The following NLRP14 variants were observed in gnomAD, a reference collection of about 807,000 sequenced individuals.
NLRP14 encodes the protein NLR family pyrin domain containing 14.
NLRP14 carries 105 observed loss-of-function variants against 94.7 expected under a neutral mutation model. The ratio of observed to expected loss-of-function variants is 1.11; its 90% CI spans 0.95 to 1.30. The LOEUF (loss-of-function observed/expected upper bound fraction) is 1.30, where lower values mean the gene tolerates loss of function less well. Ranked by LOEUF, NLRP14 falls within the 50% of genes most tolerant of loss-of-function variation. NLRP14 has a pLI of 0.00. For synonymous variants in NLRP14, 508 were observed against 459.9 expected (o/e 1.10, Z -1.34); for missense variants, 1,362 against 1,254.1 (o/e 1.09, Z -1.30).
rs1479040929 is a variant in NLRP14 at position 7,039,705 on chromosome 11, C to A, written c.290-9C>A. On this transcript the variant is annotated splice_polypyrimidine_tract_variant and intron_variant, in intron 2 of 11. Transcript: ENST00000299481. ...TTAAATATCATGATCCTATCGGAAC[C>A]TGTTGCAGGGTCGGCCCAGACTATA... The A allele has an allele frequency of 6.2e-7, 1 of 1,610,322 alleles. No individual in the cohort carries two copies. Among genetic ancestry groups the A allele is most frequent in the Admixed American group, 1.7e-5 (1 of 60,014 alleles).
chr11:7,039,854 T>A, intron 3 of NLRP14, 69 bp downstream of exon 3: 1 of 1,181,474 alleles, frequency 8.5e-7, no homozygotes, highest in Non-Finnish European at 1.3e-6. Context: ...GTGATTTATC[T>A]CCCGAGGACT....
chr11:7,052,569 G>T (rs1163137682), intron 6 of NLRP14, among the ~76,000 whole-genome samples: 3 of 152,162 alleles, frequency 2.0e-5, no homozygotes, highest in Non-Finnish European at 4.4e-5. Flanking sequence ...GGGAGGCGGA[G>T]GTTGCAGTGA....
At chr11:7,090,804 GCAA>G in the NLRP14 span, 15,729 of 172,200 alleles carry the variant, frequency 0.091, 786 homozygotes, top group Admixed American at 0.16. Flanking sequence ...CAAACAACCA[GCAA>G]CAACAACAAC....
chr11:7,089,504 T>G, the NLRP14 span: 1 of 1,230,108 alleles, frequency 8.1e-7, no homozygotes, highest in Middle Eastern at 2.7e-4. Flanking sequence ...GCGGGCCCGA[T>G]GATGACGGCG....
intron 9 of NLRP14, among the ~76,000 whole-genome samples, chr11:7,060,536 T>G (rs374584272): frequency 6.6e-5 from 10 of 152,194 alleles, no homozygotes; most frequent in African/African-American, 2.4e-4. Flanking sequence ...TGTGTCCTAG[T>G]GAATCTACTG....
At chr11:7,087,647 A>T in the NLRP14 span, among the ~76,000 whole-genome samples, 1 of 152,232 alleles carries the variant, frequency 6.6e-6, no homozygotes, top group Non-Finnish European at 1.5e-5. Flanking sequence ...TTAAGTTAGC[A>T]TTCAATAAAA....
chr11:7,045,956 G>GT (rs1852342181), intron 4 of NLRP14, among the ~76,000 whole-genome samples: 1 of 152,144 alleles, frequency 6.6e-6, no homozygotes, highest in African/African-American at 2.4e-5. Context: ...AGTTCAGTGA[G>GT]TGGCAGTGTT....
chr11:7,060,104 A>G (rs777971598), intron 9 of NLRP14, 40 bp downstream of exon 9: 2 of 1,541,132 alleles, frequency 1.3e-6, no homozygotes, highest in Admixed American at 1.7e-5. Context: ...AGTTTCAACA[A>G]CAGAGTGTCT....
At chr11:7,077,840 G>T in the NLRP14 span, among the ~76,000 whole-genome samples, 1 of 152,180 alleles carries the variant, frequency 6.6e-6, no homozygotes, top group Non-Finnish European at 1.5e-5. Context: ...CAACATGTGA[G>T]AATTCAAGAT....
At chr11:7,090,056 G>T in the NLRP14 span, 2 of 1,612,920 alleles carry the variant, frequency 1.2e-6, no homozygotes, top group Non-Finnish European at 1.7e-6. Context: ...AGGAGTACCG[G>T]GGCTACTCAC....
chr11:7,046,784 T>A lies in NLRP14; in HGVS notation c.2075T>A (p.Ile692Asn), dbSNP rs971275743. Reference sequence around the variant, plus strand: ...AACCTTGATAAATCAGCAATGAATATCCTGCATCATGAACTAAGGCACCCA... The same window carrying A: ...AACCTTGATAAATCAGCAATGAATAACCTGCATCATGAACTAAGGCACCCA... The part of the protein sequence containing the change: ...HSNLDKSAMN[I>N]LHHELRHPNC... The change falls in exon 5 of 12, where the codon ATC becomes AAC. Residue 692 changes from isoleucine (I) to asparagine (N), a missense_variant. Transcript: ENST00000299481. 4 of 1,613,758 alleles carry A rather than the reference T, an allele frequency of 2.5e-6. No individual in the cohort carries two copies. The highest frequency in any genetic ancestry group is 2.2e-5 in the East Asian group (1 of 44,878).
At chr11:7,032,374 T>C (rs187790144) in intron 1 of NLRP14, among the ~76,000 whole-genome samples, 26 of 152,336 alleles carry the variant, frequency 1.7e-4, no homozygotes, top group African/African-American at 6.3e-4. Flanking sequence ...AATTGAATCC[T>C]TATTGACAAT....
intron 6 of NLRP14, among the ~76,000 whole-genome samples, chr11:7,054,410 T>C (rs1602570): frequency 0.52 from 79,398 of 152,042 alleles, 21,784 homozygotes; most frequent in East Asian, 0.74. Flanking sequence ...GTTGTGTTAA[T>C]TTACACTGCT....
At chr11:7,072,209 G>C (rs1184845198), downstream of NLRP14, among the ~76,000 whole-genome samples, 2 of 152,180 alleles carry the variant, frequency 1.3e-5, no homozygotes, top group Non-Finnish European at 2.9e-5. Context: ...GTATTACTTG[G>C]GGTCCCTTGG....
At chr11:7,073,831 G>C (rs116430811), downstream of NLRP14, among the ~76,000 whole-genome samples, 17 of 152,346 alleles carry the variant, frequency 1.1e-4, no homozygotes, top group African/African-American at 4.1e-4. Flanking sequence ...GCACATGGAT[G>C]TGTTTAGCAA....
chr11:7,028,140 C>G (rs571019438), intron 1 of NLRP14, among the ~76,000 whole-genome samples: 1 of 152,264 alleles, frequency 6.6e-6, no homozygotes, highest in South Asian at 2.1e-4. Context: ...ACTTTGAATT[C>G]TAACTCCAAA....
chr11:7,088,346 GAAC>G, the NLRP14 span, among the ~76,000 whole-genome samples: 2 of 152,054 alleles, frequency 1.3e-5, no homozygotes, highest in African/African-American at 4.8e-5. Flanking sequence ...CTTAGGAACT[GAAC>G]AACAATGAAA....
Position 7,036,291 on chromosome 11 carries a change from G to T in NLRP14, c.-21-2275G>T, listed in dbSNP as rs575668973. Among the ~76,000 whole-genome samples the T allele has an allele frequency of 3.3e-5, 5 of 152,230 alleles. No homozygotes were observed. The South Asian group carries it at 6.2e-4, about 19-fold the overall frequency. ...AACATGTGTTCCTCTTTCTAAAAAG[G>T]TAAAAAGCCAAAACAAAACAACAAA... On this transcript the variant is annotated intron_variant, in intron 1 of 11. Coordinates refer to ENST00000299481, the MANE Select transcript of NLRP14 (RefSeq NM_176822.4).
the NLRP14 span, among the ~76,000 whole-genome samples, chr11:7,080,129 T>TA: frequency 6.6e-5 from 10 of 152,168 alleles, no homozygotes; most frequent in Non-Finnish European, 1.0e-4. Flanking sequence ...AAGAATTTCT[T>TA]ACGTATTTAA....
Sources: allele counts gnomAD v4.1 joint callset (sites outside exome capture counted in the v4.1 genomes callset), GRCh38; gene constraint gnomAD v4.1.1; transcripts MANE v1.5; gene names NCBI Gene and HGNC (gene_info 2026-07-23, HGNC 2026-07-21).